Variants in CYB5R1 observed in about 807,000 individuals in gnomAD.
The protein encoded by CYB5R1 is NADH-cytochrome b5 reductase 1.
In CYB5R1, 32 loss-of-function variants were observed where a neutral mutation model predicts 37.4. The observed-to-expected ratio is 0.86, with a 90% confidence interval of 0.65 to 1.15. CYB5R1 has a LOEUF of 1.15. Among genes scored for constraint, CYB5R1 ranks in the 50% most tolerant of loss-of-function variants. The pLI is 0.00. For missense variants in CYB5R1, 345 were observed against 382.5 expected (o/e 0.90, Z 0.82); for synonymous variants, 159 against 155.2 (o/e 1.02, Z -0.18).
At position 202,963,646 on chromosome 1, in the gene CYB5R1, T is replaced by C. The variant is rs1287089862; in HGVS notation, c.641A>G (p.Asn214Ser). Residue 214 changes from asparagine (N) to serine (S), a missense_variant, in exon 7 of 9, where the codon AAC (asparagine) becomes AGC (serine). Coordinates refer to ENST00000367249, the MANE Select transcript of CYB5R1 (RefSeq NM_016243.3). ...DPTQCFLLFA[N>S]QTEKDIILRE... Reference sequence around the variant, plus strand: ...GGTGGAGGAAAACAAACCAACCTGGTTGGCAAAAAGCAGAAAGCACTGGGT... The same window carrying C: ...GGTGGAGGAAAACAAACCAACCTGGCTGGCAAAAAGCAGAAAGCACTGGGT... The C allele has an allele frequency of 3.1e-6, 5 of 1,605,280 alleles. No individual in the cohort carries two copies. Among genetic ancestry groups the C allele is most frequent in the Middle Eastern group, 1.7e-4 (1 of 6,054 alleles).
chr1:202,963,492 T>G, intron 7 of CYB5R1, 150 bp downstream of exon 7: 1 of 618,878 alleles, frequency 1.6e-6, no homozygotes, highest in Non-Finnish European at 2.9e-6. Context: ...CTTTTCCTCC[T>G]TATTGAAAGA....
At chr1:202,963,983 T>C (rs1207471359) in intron 6 of CYB5R1, 1 of 357,720 alleles carries the variant, frequency 2.8e-6, no homozygotes, top group African/African-American at 2.1e-5. Flanking sequence ...GAAAGTCCTT[T>C]GGAGGCTAGG....
chr1:202,966,963 G>A, intron 1 of CYB5R1, 65 bp from the exon 2 acceptor site: 2 of 1,509,688 alleles, frequency 1.3e-6, no homozygotes, highest in Non-Finnish European at 8.9e-7. Context: ...GGTGGTGACC[G>A]TCCCAGGGGT....
chr1:202,964,432 T>G (rs1346265768), intron 6 of CYB5R1, 180 bp downstream of exon 6: 2 of 597,796 alleles, frequency 3.3e-6, no homozygotes, highest in Non-Finnish European at 6.0e-6. Flanking sequence ...GTTAAAATTT[T>G]TTTTGGTTTC....
chr1:202,963,005 G>T lies in CYB5R1; in HGVS notation c.745+61C>A, dbSNP rs543752468. ...TTCAATGAAGCCAGAATTCACAAAG[G>T]GGCAAGGCTTTGATTTTGACGATGA... On this transcript the variant is annotated intron_variant, in intron 8 of 8. Coordinates refer to ENST00000367249, the MANE Select transcript of CYB5R1 (RefSeq NM_016243.3). 14 of 1,470,344 alleles carry T rather than the reference G, an allele frequency of 9.5e-6. No homozygotes were observed. The East Asian group carries it at 2.9e-4, about 31-fold the overall frequency. 91.1% of individuals were successfully genotyped at this position (1,470,344 alleles called of 1,614,324 possible).
rs189649985 is a variant in CYB5R1 at position 202,965,253 on chromosome 1, G to A, written c.475+118C>T. ...ATTGTATCAGCGCTATGTTTAGAAG[G>A]AAGGGCGGCCCTGGCCCTTACGTGC... On this transcript the variant is annotated intron_variant, in intron 5 of 8. Coordinates refer to ENST00000367249, the MANE Select transcript of CYB5R1 (RefSeq NM_016243.3). 2.2e-3 allele frequency: 2,621 copies of A among 1,214,070 alleles called. 14 individuals carry two copies. The Middle Eastern group carries it at 0.022, about 10-fold the overall frequency. The allele number at this position is 1,214,070 out of a possible 1,614,324, so 75.2% of individuals were successfully genotyped here. A position where few individuals can be genotyped will look rare whatever the true frequency, so the allele number is the denominator to read the frequency against.
Position 202,967,208 on chromosome 1 carries a change from C to G in CYB5R1, c.-3G>C, listed in dbSNP as rs766135205. On this transcript the variant is annotated 5_prime_UTR_variant, in exon 1 of 9. Coordinates refer to ENST00000367249, the MANE Select transcript of CYB5R1 (RefSeq NM_016243.3). ...GGTCTTACCGTCTGGATCCCCATGA[C>G]GGAGCGCCTTTTCCTCCACCACCTG... is the stretch of plus-strand genomic sequence containing the variant. 6.4e-7 allele frequency: 1 copy of G among 1,567,042 alleles called. No homozygotes were observed. Among genetic ancestry groups the G allele is most frequent in the Non-Finnish European group, 8.7e-7 (1 of 1,152,660 alleles).
At chr1:202,962,953 G>C (rs573326198) in intron 8 of CYB5R1, 113 bp downstream of exon 8, 2 of 1,068,692 alleles carry the variant, frequency 1.9e-6, no homozygotes, top group African/African-American at 3.1e-5. Context: ...TCAGACTTCC[G>C]AGTTGGCAGT....
chr1:202,965,091 AG>A, intron 5 of CYB5R1: 1 of 405,010 alleles, frequency 2.5e-6, no homozygotes, highest in Non-Finnish European at 4.4e-6. Context: ...CAGCTCACCC[AG>A]GGGGGCAAAT....
intron 1 of CYB5R1, 117 bp from the exon 2 acceptor site, chr1:202,967,015 G>T (rs1655111675): frequency 6.9e-7 from 1 of 1,449,752 alleles, no homozygotes; most frequent in East Asian, 2.5e-5. Flanking sequence ...CAAGGGCAGA[G>T]GGGTAACCTG....
intron 6 of CYB5R1, chr1:202,963,949 T>A: frequency 4.6e-6 from 2 of 435,532 alleles, no homozygotes; most frequent in Non-Finnish European, 8.2e-6. Flanking sequence ...AAATCTTTCT[T>A]AGGAACTAAT....
At chr1:202,963,567 C>T in intron 7 of CYB5R1, 75 bp downstream of exon 7, 2 of 1,129,344 alleles carry the variant, frequency 1.8e-6, no homozygotes, top group South Asian at 1.5e-5. Context: ...GCCAGTTCTG[C>T]CCATCCATAC....
Position 202,966,749 on chromosome 1 carries a change from C to A in CYB5R1, c.165G>T (p.Thr55=). Residue 55 remains threonine, a splice_region_variant and synonymous_variant, in exon 2 of 9, where the codon ACG becomes ACT. Coordinates refer to ENST00000367249, the MANE Select transcript of CYB5R1 (RefSeq NM_016243.3). ...CCTGGCCCTTTCTTCCCCAACTTAC[C>A]GTCTTGTCTAGCAGTCGTAGCAGGT... ...EKYLLRLLDK[T]TVSHNTKRFR... is the part of the protein sequence containing the mutation. 1 of 1,613,822 alleles carries A rather than the reference C, an allele frequency of 6.2e-7. No individual in the cohort carries two copies. Among genetic ancestry groups the A allele is most frequent in the Non-Finnish European group, 8.5e-7 (1 of 1,179,796 alleles).
chr1:202,963,174 C>G lies in CYB5R1; in HGVS notation c.646-9G>C. 6.2e-7 allele frequency: 1 copy of G among 1,607,276 alleles called. No homozygotes were observed. The highest frequency in any genetic ancestry group is 8.5e-7 in the Non-Finnish European group (1 of 1,173,852). ...ATGATATCCTTTTCTGTCTGAAATGCAAAGGGGAAGGAAAGTCTTTAGGAG... is the reference window on the plus strand; with the variant it reads ...ATGATATCCTTTTCTGTCTGAAATGGAAAGGGGAAGGAAAGTCTTTAGGAG... On this transcript the variant is annotated splice_polypyrimidine_tract_variant and intron_variant, in intron 7 of 8. Coordinates refer to ENST00000367249, the MANE Select transcript of CYB5R1 (RefSeq NM_016243.3).
At chr1:202,965,308 G>A in intron 5 of CYB5R1, 63 bp downstream of exon 5, 5 of 1,507,956 alleles carry the variant, frequency 3.3e-6, no homozygotes, top group South Asian at 1.4e-5. Context: ...GCCATACTGT[G>A]CCAAGAGGAC....
At chr1:202,963,618 T>G in intron 7 of CYB5R1, 24 bp downstream of exon 7, 1 of 1,557,254 alleles carries the variant, frequency 6.4e-7, no homozygotes, top group Non-Finnish European at 8.8e-7. Flanking sequence ...TTTGAAGTCT[T>G]AGGGTGGAGG....
chr1:202,963,292 C>G, intron 7 of CYB5R1, 127 bp from the exon 8 acceptor site: 1 of 667,946 alleles, frequency 1.5e-6, no homozygotes, highest in African/African-American at 1.8e-5. Flanking sequence ...AGGAAATAAG[C>G]AAGACTTGCA....
At chr1:202,965,530 T>C (rs1222424161) in intron 4 of CYB5R1, 30 bp from the exon 5 acceptor site, 2 of 1,554,466 alleles carry the variant, frequency 1.3e-6, no homozygotes. Flanking sequence ...AATACCTTAT[T>C]TGGAATGTCA....
At chr1:202,967,036 G>C in intron 1 of CYB5R1, 138 bp from the exon 2 acceptor site, 1 of 1,427,870 alleles carries the variant, frequency 7.0e-7, no homozygotes, top group Non-Finnish European at 9.5e-7. Flanking sequence ...GCGGAGTCCC[G>C]AGCCCGGATG....
Sources: allele counts gnomAD v4.1 joint callset, GRCh38; gene constraint gnomAD v4.1.1; transcripts MANE v1.5; gene names NCBI Gene and HGNC (gene_info 2026-07-23, HGNC 2026-07-21).